EYS: variants seen among roughly 807,000 people sequenced by gnomAD.
EYS encodes EGF-like photoreceptor maintenance factor, also known as protein eyes shut homolog.
EYS carries 250 observed loss-of-function variants against 282.1 expected under a neutral mutation model. The ratio of observed to expected loss-of-function variants is 0.89; its 90% CI spans 0.80 to 0.98. The LOEUF is 0.98. Ranked by LOEUF, EYS falls within the 50% of genes least tolerant of loss-of-function variation. The pLI is 0.00. For synonymous variants in EYS, 1,355 were observed against 1,282.9 expected (o/e 1.06, Z -1.20); for missense variants, 4,016 against 3,709.0 (o/e 1.08, Z -2.15).
intron 26 of EYS, among the ~76,000 whole-genome samples, chr6:64,489,223 AT>A (rs1776664197): frequency 6.6e-6 from 1 of 150,866 alleles, no homozygotes; most frequent in Non-Finnish European, 1.5e-5. Flanking sequence ...AATTTATAAT[AT>A]ATCATTGTAC....
intron 40 of EYS, among the ~76,000 whole-genome samples, chr6:63,763,817 G>A (rs533319801): frequency 1.3e-5 from 2 of 148,692 alleles, no homozygotes; most frequent in East Asian, 2.0e-4. Context: ...CATGTCCCAT[G>A]CAATATATGA....
chr6:64,434,371 T>C (rs1383531547), intron 28 of EYS, among the ~76,000 whole-genome samples: 2 of 152,106 alleles, frequency 1.3e-5, no homozygotes, highest in Non-Finnish European at 2.9e-5. Flanking sequence ...CCTAGTAAAA[T>C]AGGCATTATA....
chr6:65,552,779 A>G, intron 2 of EYS, among the ~76,000 whole-genome samples: 1 of 152,172 alleles, frequency 6.6e-6, no homozygotes. Context: ...CTGTGATGAT[A>G]CTAATGTAAT....
At position 64,948,617 on chromosome 6, in the gene EYS, A is replaced by C. The variant is rs1206007248; in HGVS notation, c.2260-2703T>G. On this transcript the variant is annotated intron_variant, in intron 14 of 42. Coordinates refer to ENST00000503581, the MANE Select transcript of EYS (RefSeq NM_001142800.2). ...ATTAAATATTAAATAATATTAAATA[A>C]TAGTAAATACTAGTATTAAATAGTA... 6.1e-5 allele frequency among the ~76,000 whole-genome samples: 9 copies of C among 147,284 alleles called. No individual in the cohort carries two copies. In the South Asian group the frequency reaches 8.4e-4, roughly 14 times the overall value.
intron 26 of EYS, among the ~76,000 whole-genome samples, chr6:64,568,982 C>A (rs1379342526): frequency 7.4e-6 from 1 of 134,722 alleles, no homozygotes; most frequent in Non-Finnish European, 1.5e-5. Context: ...CAAAGGTCAC[C>A]AGCATCAAAG....
chr6:64,664,364 G>A (rs571548393), intron 22 of EYS, among the ~76,000 whole-genome samples: 1 of 152,210 alleles, frequency 6.6e-6, no homozygotes, highest in African/African-American at 2.4e-5. Context: ...TGATTGGTTG[G>A]GTGTGAGCTG....
At chr6:65,516,446 A>G (rs7751898) in intron 2 of EYS, among the ~76,000 whole-genome samples, 42,909 of 151,934 alleles carry the variant, frequency 0.28, 6,834 homozygotes, top group African/African-American at 0.42. Context: ...TGACATGTAA[A>G]CAACTTTCAG....
chr6:64,653,531 T>A (rs1407544597), intron 22 of EYS, among the ~76,000 whole-genome samples: 5 of 152,110 alleles, frequency 3.3e-5, no homozygotes, highest in Admixed American at 6.6e-5. Context: ...TTCATTAATT[T>A]CTTCTATATT....
At chr6:64,208,451 CTT>C (rs1355159461) in intron 31 of EYS, among the ~76,000 whole-genome samples, 2 of 152,170 alleles carry the variant, frequency 1.3e-5, no homozygotes, top group South Asian at 4.1e-4. Flanking sequence ...TATCTCTTCT[CTT>C]ATTAAAATAT....
chr6:65,235,961 G>C (rs1766912585), intron 12 of EYS, among the ~76,000 whole-genome samples: 1 of 151,602 alleles, frequency 6.6e-6, no homozygotes, highest in African/African-American at 2.4e-5. Context: ...TATTTCTTAG[G>C]CTTACATATG....
At chr6:65,383,789 T>C (rs1029922864) in intron 8 of EYS, among the ~76,000 whole-genome samples, 1 of 151,922 alleles carries the variant, frequency 6.6e-6, no homozygotes, top group African/African-American at 2.4e-5. Context: ...TTTAACTAGT[T>C]TTTATAATTC....
intron 26 of EYS, among the ~76,000 whole-genome samples, chr6:64,531,158 C>G (rs1764317284): frequency 6.6e-6 from 1 of 152,024 alleles, no homozygotes; most frequent in Admixed American, 6.6e-5. Flanking sequence ...ATATAGTGTA[C>G]CACTTTCTTA....
At chr6:64,617,735 C>T (rs891728812) in intron 23 of EYS, among the ~76,000 whole-genome samples, 1 of 152,026 alleles carries the variant, frequency 6.6e-6, no homozygotes, top group African/African-American at 2.4e-5. Flanking sequence ...AAATTAAACT[C>T]AGAGAAAATA....
At chr6:64,132,595 T>G (rs1209172128) in intron 31 of EYS, among the ~76,000 whole-genome samples, 1 of 151,998 alleles carries the variant, frequency 6.6e-6, no homozygotes, top group African/African-American at 2.4e-5. Context: ...GTGTCTCTCA[T>G]GTAAGAAGAC....
At chr6:65,454,836 G>C (rs970351181) in intron 5 of EYS, among the ~76,000 whole-genome samples, 11 of 151,838 alleles carry the variant, frequency 7.2e-5, no homozygotes, top group Admixed American at 7.2e-4. Context: ...TTTATTTCTG[G>C]GATCCCTATT....
intron 22 of EYS, among the ~76,000 whole-genome samples, chr6:64,748,822 G>T (rs1254412253): frequency 6.6e-6 from 1 of 152,162 alleles, no homozygotes; most frequent in Non-Finnish European, 1.5e-5. Flanking sequence ...GCCCAGGCTG[G>T]AGTGCAGTGG....
chr6:63,920,212 C>G (rs1190548946), intron 35 of EYS, among the ~76,000 whole-genome samples: 1 of 151,450 alleles, frequency 6.6e-6, no homozygotes, highest in African/African-American at 2.4e-5. Context: ...GTTTATTGTC[C>G]TTTTCCACCT....
intron 5 of EYS, among the ~76,000 whole-genome samples, chr6:65,443,665 G>T (rs748875668): frequency 2.0e-5 from 3 of 150,206 alleles, no homozygotes; most frequent in Admixed American, 1.3e-4. Flanking sequence ...ACACATATAC[G>T]TATACATCAT....
intron 30 of EYS, among the ~76,000 whole-genome samples, chr6:64,288,254 T>A (rs756846659): frequency 2.5e-4 from 38 of 152,100 alleles, no homozygotes; most frequent in Non-Finnish European, 4.4e-4. Context: ...TATTTAATAT[T>A]CTCAAACTTC....
Sources: allele counts gnomAD v4.1 joint callset (sites outside exome capture counted in the v4.1 genomes callset), GRCh38; gene constraint gnomAD v4.1.1; transcripts MANE v1.5; gene names NCBI Gene and HGNC (gene_info 2026-07-23, HGNC 2026-07-21).